Variants in NRG1 observed in about 807,000 individuals in gnomAD.
NRG1 encodes the protein pro-neuregulin-1, membrane-bound isoform.
In NRG1, 18 loss-of-function variants were observed where a neutral mutation model predicts 63.8. That is an observed-to-expected ratio of 0.28 (90% CI 0.19 to 0.42). NRG1 has a LOEUF of 0.42. Ranked by LOEUF, NRG1 falls within the 10% of genes least tolerant of loss-of-function variation. The pLI is 1.00. For missense variants in NRG1, 762 were observed against 814.7 expected, an observed-to-expected ratio of 0.94 and a Z score of 0.79; for synonymous variants, 302 against 301.3, an observed-to-expected ratio of 1.00 and a Z score of -0.02.
At chr8:32,322,224 C>T (rs1327075632) in intron 1 of NRG1, among the ~76,000 whole-genome samples, 2 of 151,776 alleles carry the variant, frequency 1.3e-5, no homozygotes, top group Non-Finnish European at 2.9e-5. Flanking sequence ...ATAGCATTTC[C>T]TTTACTTGTG....
chr8:31,880,362 C>T (rs1830256017), intron 1 of NRG1, among the ~76,000 whole-genome samples: 1 of 152,160 alleles, frequency 6.6e-6, no homozygotes, highest in African/African-American at 2.4e-5. Flanking sequence ...TTAATGTAGA[C>T]AAACATGGGT....
At chr8:32,289,030 C>G (rs1853878742) in intron 1 of NRG1, among the ~76,000 whole-genome samples, 1 of 152,148 alleles carries the variant, frequency 6.6e-6, no homozygotes, top group Non-Finnish European at 1.5e-5. Flanking sequence ...CCTTTGGAAA[C>G]TCCTGGATTT....
At position 32,165,491 on chromosome 8, in the gene NRG1, A is replaced by G. The variant is rs71512614; in HGVS notation, c.38-430337A>G. 1.3e-3 allele frequency among the ~76,000 whole-genome samples: 196 copies of G among 152,316 alleles called. 5 individuals carry two copies. In the East Asian group the frequency reaches 0.036, roughly 28 times the overall value. ...TGTAGTCTAATGAAAACATATGAGTATAATAAACAAAAGAAAAAAGAAAAC... is the reference window on the plus strand; with the variant it reads ...TGTAGTCTAATGAAAACATATGAGTGTAATAAACAAAAGAAAAAAGAAAAC... On this transcript the variant is annotated intron_variant, in intron 1 of 10. Coordinates refer to the NRG1 transcript ENST00000519301.
chr8:31,698,137 T>G (rs1279199351), intron 1 of NRG1, among the ~76,000 whole-genome samples: 1 of 152,184 alleles, frequency 6.6e-6, no homozygotes, highest in Non-Finnish European at 1.5e-5. Context: ...TCCTGACTTC[T>G]GATCTGGAGT....
intron 1 of NRG1, among the ~76,000 whole-genome samples, chr8:31,673,661 C>A (rs1807384965): frequency 6.6e-6 from 1 of 152,128 alleles, no homozygotes; most frequent in African/African-American, 2.4e-5. Context: ...AGGTCTTTTA[C>A]TCTTTTGTCA....
At chr8:32,019,170 C>T (rs990704876) in intron 1 of NRG1, among the ~76,000 whole-genome samples, 4 of 152,186 alleles carry the variant, frequency 2.6e-5, no homozygotes, top group Non-Finnish European at 5.9e-5. Flanking sequence ...GCAATCTTGG[C>T]TCACTGCAAG....
At chr8:31,679,276 C>T (rs1023082369) in intron 1 of NRG1, among the ~76,000 whole-genome samples, 3 of 152,086 alleles carry the variant, frequency 2.0e-5, no homozygotes, top group Non-Finnish European at 4.4e-5. Flanking sequence ...TACCTATTCC[C>T]CTTCTTGACT....
chr8:32,695,962 A>C (rs1290942912), intron 5 of NRG1, among the ~76,000 whole-genome samples: 1 of 152,218 alleles, frequency 6.6e-6, no homozygotes, highest in Non-Finnish European at 1.5e-5. Flanking sequence ...CAGACTGACT[A>C]GTCAATGAAA....
intron 1 of NRG1, among the ~76,000 whole-genome samples, chr8:32,178,677 C>T (rs577570377): frequency 6.6e-6 from 1 of 152,056 alleles, no homozygotes; most frequent in African/African-American, 2.4e-5. Context: ...AGTCAGAGTC[C>T]AGGAGGCCAT....
intron 1 of NRG1, among the ~76,000 whole-genome samples, chr8:32,579,865 C>A (rs750271428): frequency 4.6e-5 from 7 of 152,154 alleles, no homozygotes; most frequent in Non-Finnish European, 1.0e-4. Context: ...GTTGGCAGGG[C>A]TGCAGGAGGC....
intron 1 of NRG1, among the ~76,000 whole-genome samples, chr8:32,372,615 A>G (rs1809055647): frequency 6.6e-6 from 1 of 152,134 alleles, no homozygotes; most frequent in Admixed American, 6.6e-5. Context: ...AATGGACACA[A>G]CAGTCTAAAA....
In NRG1 at chr8:32,513,011, A is replaced by G. The variant is rs1327489399; in HGVS notation, c.38-82817A>G. Among the ~76,000 whole-genome samples the G allele has an allele frequency of 2.0e-5, 3 of 152,178 alleles. No individual in the cohort carries two copies. The East Asian group carries it at 5.8e-4, about 29-fold the overall frequency. On this transcript the variant is annotated intron_variant, in intron 1 of 10. Coordinates refer to the NRG1 transcript ENST00000519301. The stretch of plus-strand genomic sequence containing the variant: ...AGAATATCCAAACAAAGACGGATAC[A>G]TGTGAAAACTTGGGACAGTAAAATT...
intron 1 of NRG1, among the ~76,000 whole-genome samples, chr8:31,813,824 G>T (rs553760537): frequency 6.6e-6 from 1 of 152,082 alleles, no homozygotes; most frequent in South Asian, 2.1e-4. Context: ...ATCATGCCTG[G>T]CCAGGAATTT....
At chr8:32,089,582 A>C (rs1252190200) in intron 1 of NRG1, among the ~76,000 whole-genome samples, 1 of 152,176 alleles carries the variant, frequency 6.6e-6, no homozygotes, top group African/African-American at 2.4e-5. Flanking sequence ...TCACACTAAA[A>C]TCCTCTGTAG....
intron 1 of NRG1, among the ~76,000 whole-genome samples, chr8:32,087,732 G>A (rs1828484859): frequency 2.0e-5 from 3 of 152,068 alleles, no homozygotes; most frequent in Admixed American, 1.3e-4. Flanking sequence ...GGCTCCCAAA[G>A]TGCTGGGATT....
At chr8:32,687,584 C>T (rs187450918) in intron 5 of NRG1, among the ~76,000 whole-genome samples, 1 of 152,282 alleles carries the variant, frequency 6.6e-6, no homozygotes, top group African/African-American at 2.4e-5. Flanking sequence ...GTGCTCCTCC[C>T]AGGCAGGGAC....
intron 5 of NRG1, among the ~76,000 whole-genome samples, chr8:32,665,392 G>A (rs1803879403): frequency 6.6e-6 from 1 of 152,100 alleles, no homozygotes; most frequent in South Asian, 2.1e-4. Context: ...ATTTTTTCCT[G>A]TTTATTCATG....
intron 1 of NRG1, among the ~76,000 whole-genome samples, chr8:32,555,532 T>C (rs962651094): frequency 1.2e-4 from 19 of 152,248 alleles, no homozygotes; most frequent in Admixed American, 2.6e-4. Flanking sequence ...AGTGCAGTGG[T>C]GCCATCTCGA....
At chr8:32,724,792 C>A (rs1428208669) in intron 5 of NRG1, among the ~76,000 whole-genome samples, 6 of 152,144 alleles carry the variant, frequency 3.9e-5, no homozygotes, top group Non-Finnish European at 7.4e-5. Flanking sequence ...GATAAAAGTG[C>A]TAAGCATAAT....
Sources: allele counts gnomAD v4.1 joint callset (sites outside exome capture counted in the v4.1 genomes callset), GRCh38; gene constraint gnomAD v4.1.1; transcripts MANE v1.5; gene names NCBI Gene and HGNC (gene_info 2026-07-23, HGNC 2026-07-21).